LMLN: variants seen among roughly 807,000 people sequenced by gnomAD.
The protein encoded by LMLN is leishmanolysin-like peptidase.
LMLN carries 70 observed loss-of-function variants against 92.3 expected under a neutral mutation model. That is an observed-to-expected ratio of 0.76 (90% CI 0.63 to 0.92). The LOEUF (loss-of-function observed/expected upper bound fraction) is 0.92. LMLN is among the 40% of genes least tolerant of loss of function. LMLN has a pLI of 0.00. For missense variants in LMLN, 691 were observed against 814.6 expected, an observed-to-expected ratio of 0.85 and a Z score of 1.85; for synonymous variants, 308 against 296.2, an observed-to-expected ratio of 1.04 and a Z score of -0.41.
intron 8 of LMLN, among the ~76,000 whole-genome samples, chr3:197,989,318 A>G (rs2109880767): frequency 6.6e-6 from 1 of 152,328 alleles, no homozygotes; most frequent in Admixed American, 6.5e-5. Context: ...GATTTCACCA[A>G]GTTGGGTGGT....
chr3:198,012,560 G>T (rs1316112820), intron 11 of LMLN, among the ~76,000 whole-genome samples: 1 of 151,936 alleles, frequency 6.6e-6, no homozygotes, highest in Non-Finnish European at 1.5e-5. Context: ...CCCCTAACTA[G>T]TCTGACTTCT....
intron 14 of LMLN, among the ~76,000 whole-genome samples, chr3:198,030,595 A>G (rs1281322986): frequency 6.6e-6 from 1 of 152,132 alleles, no homozygotes; most frequent in Non-Finnish European, 1.5e-5. Flanking sequence ...GCCTGTGCTA[A>G]TCTCGACTAT....
chr3:198,010,265 C>T (rs1160289168), intron 11 of LMLN, among the ~76,000 whole-genome samples: 3 of 151,950 alleles, frequency 2.0e-5, no homozygotes, highest in Non-Finnish European at 4.4e-5. Context: ...ACAATTCTCC[C>T]GACTCAGCCT....
At chr3:198,009,548 A>C (rs1361202243) in intron 11 of LMLN, among the ~76,000 whole-genome samples, 2 of 152,094 alleles carry the variant, frequency 1.3e-5, no homozygotes, top group Non-Finnish European at 2.9e-5. Context: ...AATTGGTGTT[A>C]ATTCTTCTCT....
intron 13 of LMLN, among the ~76,000 whole-genome samples, chr3:198,023,094 T>TA (rs1281943877): frequency 6.6e-6 from 1 of 152,156 alleles, no homozygotes; most frequent in Admixed American, 6.6e-5. Flanking sequence ...GCTCAGCCGT[T>TA]ACCGTCTGAA....
chr3:198,021,735 C>T, intron 13 of LMLN, 130 bp downstream of exon 14: 1 of 699,792 alleles, frequency 1.4e-6, no homozygotes, highest in Non-Finnish European at 2.3e-6. Flanking sequence ...AGCTGCTATC[C>T]ATATGTAAGA....
At chr3:197,974,927 C>T in intron 2 of LMLN, 115 bp from the exon 3 acceptor site, 1 of 711,740 alleles carries the variant, frequency 1.4e-6, no homozygotes, top group East Asian at 2.6e-5. Flanking sequence ...AATGGCTGCT[C>T]CATAGGCAGA....
chr3:197,976,512 C>A, intron 4 of LMLN, 86 bp from the exon 5 acceptor site: 1 of 653,232 alleles, frequency 1.5e-6, no homozygotes, highest in Non-Finnish European at 2.7e-6. Flanking sequence ...AGTAATATAG[C>A]AGCTACCAGT....
intron 9 of LMLN, among the ~76,000 whole-genome samples, chr3:197,994,353 C>T (rs1481822466): frequency 6.6e-6 from 1 of 152,084 alleles, no homozygotes; most frequent in East Asian, 1.9e-4. Flanking sequence ...AAAATATTTG[C>T]AAGCCATACA....
In LMLN at chr3:198,019,316, A is replaced by G; in HGVS notation, c.1296A>G (p.Arg432=). ...GTAACCCACTGCAGCTAACTTGCAG[A>G]CAGGACCAGAGAGCAGTTGCCGTGT... Residue 432 remains arginine, a synonymous_variant, in exon 12 of 16, where the codon AGA becomes AGG. Coordinates refer to ENST00000330198, the Ensembl canonical transcript of LMLN. This position sits in a 1 kb window ranked among gnomAD's most constrained non-coding sequence, Gnocchi z 5.5. 6.2e-7 allele frequency: 1 copy of G among 1,614,142 alleles called. No individual in the cohort carries two copies. Among genetic ancestry groups the G allele is most frequent in the Non-Finnish European group, 8.5e-7 (1 of 1,180,008 alleles).
chr3:197,977,394 AATC>A (rs1251571857), intron 5 of LMLN, among the ~76,000 whole-genome samples: 3 of 152,244 alleles, frequency 2.0e-5, no homozygotes, highest in African/African-American at 7.2e-5. Flanking sequence ...GTACATATAA[AATC>A]ATCAAACAAT....
chr3:198,014,094 C>G (rs1413117434), intron 11 of LMLN, among the ~76,000 whole-genome samples: 1 of 146,728 alleles, frequency 6.8e-6, no homozygotes, highest in Non-Finnish European at 1.5e-5. Flanking sequence ...TTCTCTGTAC[C>G]CTTCAGAGTC....
chr3:198,043,646 T>TAATA (rs1455601171), exon 16 of LMLN: 1 of 152,624 alleles, frequency 6.6e-6, no homozygotes, highest in African/African-American at 2.4e-5. Flanking sequence ...ATTTAAGAAC[T>TAATA]AATATTTATG....
At chr3:198,039,667 T>G (rs1005485385) in exon 16 of LMLN, 1 of 151,430 alleles carries the variant, frequency 6.6e-6, no homozygotes, top group African/African-American at 2.4e-5. Flanking sequence ...TTCTAAAGAA[T>G]TTTTTTAAAT....
chr3:198,037,873 A>T (rs2109962181), intron 15 of LMLN, among the ~76,000 whole-genome samples: 1 of 152,324 alleles, frequency 6.6e-6, no homozygotes, highest in Non-Finnish European at 1.5e-5. Flanking sequence ...GGTGATATGA[A>T]TGTATGGGTA....
chr3:197,974,301 C>G (rs112519909), intron 1 of LMLN, 76 bp from the exon 2 acceptor site: 7 of 733,278 alleles, frequency 9.5e-6, no homozygotes, highest in African/African-American at 5.5e-5. Context: ...AAATTTAGTT[C>G]ATTAATTTTA....
chr3:197,980,615 T>G, intron 6 of LMLN, 111 bp downstream of exon 6: 1 of 1,061,238 alleles, frequency 9.4e-7, no homozygotes, highest in Non-Finnish European at 1.4e-6. Context: ...AGATTGCCTC[T>G]GGTAGACAGG....
In LMLN at chr3:198,025,083, G is replaced by T. The variant is rs370602483; in HGVS notation, c.1656+295G>T. Among the ~76,000 whole-genome samples the T allele has an allele frequency of 1.3e-5, 2 of 152,144 alleles. No homozygotes were observed. The highest frequency in any genetic ancestry group is 1.9e-4 in the East Asian group (1 of 5,190). The stretch of plus-strand genomic sequence containing the variant: ...TTTGTTCTTGAGCAAATATTACTTT[G>T]TAATGGAAAACATGTCAATTTTATT... On this transcript the variant is annotated intron_variant, in intron 14 of 15. Transcript: ENST00000330198. This position sits in a 1 kb window ranked among gnomAD's most constrained non-coding sequence, Gnocchi z 4.3.
At chr3:198,001,486 A>G (rs1722171338) in intron 11 of LMLN, among the ~76,000 whole-genome samples, 1 of 152,182 alleles carries the variant, frequency 6.6e-6, no homozygotes, top group Non-Finnish European at 1.5e-5. Flanking sequence ...CATTTTATTC[A>G]TAGGGCTAAG....
Sources: allele counts gnomAD v4.1 joint callset (sites outside exome capture counted in the v4.1 genomes callset), GRCh38; gene constraint gnomAD v4.1.1; non-coding constraint Gnocchi (gnomAD v3.1); transcripts MANE v1.5; gene names NCBI Gene and HGNC (gene_info 2026-07-23, HGNC 2026-07-21).